The following ARID1A variants were observed in gnomAD, a reference collection of about 807,000 sequenced individuals.
ARID1A encodes the protein AT-rich interaction domain 1A.
A neutral mutation model predicts 212.6 loss-of-function variants in ARID1A; 20 were observed. The ratio of observed to expected loss-of-function variants is 0.09; its 90% confidence interval spans 0.07 to 0.14. The LOEUF (loss-of-function observed/expected upper bound fraction) is 0.14, where lower values mean the gene tolerates loss of function less well. Among genes scored for constraint, ARID1A ranks in the 10% least tolerant of loss-of-function variants. The pLI is 1.00. For missense variants in ARID1A, 2,587 were observed against 3,059.0 expected (o/e 0.85, Z 3.64); for synonymous variants, 1,376 against 1,222.1 (o/e 1.13, Z -2.63).
intron 4 of ARID1A, among the ~76,000 whole-genome samples, chr1:26,746,775 G>A (rs954996436): frequency 8.5e-5 from 13 of 152,170 alleles, no homozygotes; most frequent in African/African-American, 2.2e-4. Flanking sequence ...GGTGGCTCAC[G>A]CCTGTAATCC....
Position 26,732,679 on chromosome 1 carries a change from C to G in ARID1A, c.1807C>G (p.Leu603Val), listed in dbSNP as rs765143662. Residue 603 changes from leucine (L) to valine (V), a missense_variant, in exon 4 of 20, where the codon CTA (leucine) becomes GTA (valine). By Grantham distance (32) the Leu-to-Val change is conservative (BLOSUM62 1). Around this residue, in one of 11 missense-constraint regions of ARID1A, gnomAD observed 674 missense variants for 813.4 expected, o/e 0.83. Coordinates refer to ENST00000324856, the MANE Select transcript of ARID1A (RefSeq NM_006015.6). ...GCTTTTGTTTTTCTTGTTGTAGGAG[C>G]TATCTCAAGATTCATTTGGGTCTCA... The part of the protein sequence containing the change: ...SQQRFPPPQE[L>V]SQDSFGSQAS... The G allele has an allele frequency of 6.2e-7, 1 of 1,611,504 alleles. No homozygotes were observed. Among genetic ancestry groups the G allele is most frequent in the African/African-American group, 1.3e-5 (1 of 74,860 alleles).
At chr1:26,731,086 A>G (rs1444756788) in intron 2 of ARID1A, 66 bp from the exon 3 acceptor site, 5 of 1,513,306 alleles carry the variant, frequency 3.3e-6, no homozygotes, top group Admixed American at 1.7e-5. Flanking sequence ...ATAGCTTCTC[A>G]CAAAACACTT....
At chr1:26,709,988 C>T (rs1262676234) in intron 1 of ARID1A, among the ~76,000 whole-genome samples, 19 of 151,462 alleles carry the variant, frequency 1.3e-4, no homozygotes, top group African/African-American at 4.6e-4. Context: ...TGTGCCACCA[C>T]GCCTGGCTAA....
intron 1 of ARID1A, among the ~76,000 whole-genome samples, chr1:26,721,010 A>G (rs2080559400): frequency 6.6e-6 from 1 of 152,102 alleles, no homozygotes; most frequent in South Asian, 2.1e-4. Context: ...TCCCTCAGGA[A>G]GTTGGTCTGA....
chr1:26,700,483 C>G (rs761894967), intron 1 of ARID1A, among the ~76,000 whole-genome samples: 1 of 152,188 alleles, frequency 6.6e-6, no homozygotes, highest in Non-Finnish European at 1.5e-5. Context: ...TAGTGTATCT[C>G]AAGTGTTGAA....
chr1:26,733,062 C>T (rs1402317042), intron 4 of ARID1A, among the ~76,000 whole-genome samples: 1 of 152,160 alleles, frequency 6.6e-6, no homozygotes, highest in African/African-American at 2.4e-5. Flanking sequence ...ATGGAGATAT[C>T]AGAAGCACTG....
At position 26,775,590 on chromosome 1, in the gene ARID1A, A is replaced by G. The variant is rs540043065; in HGVS notation, c.5007A>G (p.Ala1669=). ...GGTTTATTTCAGGAACCCCGGAGGCATGGCGGGTAATGATGTCCCTCAAGT... is the reference window on the plus strand; with the variant it reads ...GGTTTATTTCAGGAACCCCGGAGGCGTGGCGGGTAATGATGTCCCTCAAGT... The part of the protein sequence containing the change: ...LTMKDIGTPE[A]WRVMMSLKSG... Residue 1669 remains alanine (A), a synonymous_variant, in exon 19 of 20, where the codon GCA becomes GCG. Transcript: ENST00000324856. The G allele has an allele frequency of 6.2e-7, 1 of 1,614,092 alleles. No individual in the cohort carries two copies. The highest frequency in any genetic ancestry group is 1.1e-5 in the South Asian group (1 of 91,072).
At chr1:26,768,706 C>T (rs2081059151) in intron 11 of ARID1A, among the ~76,000 whole-genome samples, 3 of 152,192 alleles carry the variant, frequency 2.0e-5, no homozygotes, top group Non-Finnish European at 4.4e-5. Flanking sequence ...CCACCCAGAG[C>T]TTGTGCCTAC....
At chr1:26,751,112 G>C (rs566781709) in intron 4 of ARID1A, among the ~76,000 whole-genome samples, 10 of 151,868 alleles carry the variant, frequency 6.6e-5, no homozygotes, top group African/African-American at 2.2e-4. Flanking sequence ...AAAATTAGCC[G>C]GGCGTGGTGG....
chr1:26,739,356 ACTG>A (rs1369025392), intron 4 of ARID1A, among the ~76,000 whole-genome samples: 12 of 152,232 alleles, frequency 7.9e-5, no homozygotes, highest in African/African-American at 2.9e-4. Context: ...CACCTGAATT[ACTG>A]CCTCTACCTG....
In ARID1A at chr1:26,779,069, T is replaced by A. The variant is rs2081164406; in HGVS notation, c.5171T>A (p.Leu1724Gln). ...ELLVEYFRRC[L>Q]IEIFGILKEY... ...CTTGTAGAATATTTCCGACGATGCC[T>A]GATTGAGATCTTTGGCATTTTAAAG... Residue 1724 changes from leucine (L) to glutamine (Q), a missense_variant, in exon 20 of 20, where the codon CTG becomes CAG. This residue lies in a region of ARID1A where 890 missense variants were observed against 1,098.2 expected (regional missense o/e 0.81). Transcript: ENST00000324856. The A allele has an allele frequency of 6.6e-7, 1 of 1,512,356 alleles. No homozygotes were observed. Among genetic ancestry groups the A allele is most frequent in the Non-Finnish European group, 8.8e-7 (1 of 1,130,282 alleles). The allele number at this position is 1,512,356 out of a possible 1,614,324, so 93.7% of individuals were successfully genotyped here. A position where few individuals can be genotyped will look rare whatever the true frequency, so the allele number is the denominator to read the frequency against.
intron 4 of ARID1A, among the ~76,000 whole-genome samples, chr1:26,735,083 TA>T (rs2080716349): frequency 6.6e-6 from 1 of 152,124 alleles, no homozygotes; most frequent in South Asian, 2.1e-4. Flanking sequence ...ACCTCTCAAT[TA>T]TTTTTTTGTT....
chr1:26,772,215 A>G, intron 12 of ARID1A: 1 of 434,936 alleles, frequency 2.3e-6, no homozygotes, highest in Non-Finnish European at 4.2e-6. Flanking sequence ...AGTGAAGAGA[A>G]ATAGCCAGGG....
Position 26,763,301 on chromosome 1 carries a change from CAGAG to C in ARID1A, c.2732+19_2732+22del. The C allele has an allele frequency of 6.3e-7, 1 of 1,575,282 alleles. No homozygotes were observed. The highest frequency in any genetic ancestry group is 1.2e-5 in the South Asian group (1 of 86,232). ...TCCAAAACAGGTAAGGCCTGGGAAG[CAGAG>C]AGGGTGTCAGTGCAAGAAAATGTAT... On this transcript the variant is annotated intron_variant, in intron 8 of 19. Coordinates refer to ENST00000324856, the MANE Select transcript of ARID1A (RefSeq NM_006015.6).
In ARID1A at chr1:26,774,236, A is replaced by T; in HGVS notation, c.4102-93A>T. 4.0e-6 allele frequency: 6 copies of T among 1,496,852 alleles called. No individual in the cohort carries two copies. The highest frequency in any genetic ancestry group is 5.3e-6 in the Non-Finnish European group (6 of 1,125,664). 92.7% of individuals were successfully genotyped at this position (1,496,852 alleles called of 1,614,324 possible). ...CCATGTTTTCTTGGAGTCTGTGTCCACCAAGCATCTGGTTGTAGCCATCTT... is the reference window on the plus strand; with the variant it reads ...CCATGTTTTCTTGGAGTCTGTGTCCTCCAAGCATCTGGTTGTAGCCATCTT... On this transcript the variant is annotated intron_variant, in intron 17 of 19. Transcript: ENST00000324856. The surrounding 1 kb of genome is among the most constrained non-coding windows in gnomAD (Gnocchi z 5.6).
At chr1:26,731,700 A>G (rs2080679732) in intron 3 of ARID1A, 96 bp downstream of exon 3, 2 of 1,356,490 alleles carry the variant, frequency 1.5e-6, no homozygotes, top group Non-Finnish European at 2.0e-6. Context: ...GTGGTTCTCT[A>G]ACGTGCACTT....
At chr1:26,716,879 C>T (rs2080508022) in intron 1 of ARID1A, among the ~76,000 whole-genome samples, 1 of 152,028 alleles carries the variant, frequency 6.6e-6, no homozygotes, top group African/African-American at 2.4e-5. Context: ...GCCTGCCTCG[C>T]CCTCCCAAAG....
At chr1:26,740,836 G>A (rs1311109149) in intron 4 of ARID1A, among the ~76,000 whole-genome samples, 1 of 152,190 alleles carries the variant, frequency 6.6e-6, no homozygotes, top group Non-Finnish European at 1.5e-5. Context: ...GCTCCCACAT[G>A]TGGAACATGC....
At chr1:26,711,943 A>G (rs1289064959) in intron 1 of ARID1A, among the ~76,000 whole-genome samples, 4 of 151,926 alleles carry the variant, frequency 2.6e-5, no homozygotes, top group Non-Finnish European at 5.9e-5. Flanking sequence ...TCAGCCAGGC[A>G]TGGTGATGCG....
Sources: gnomAD v4.1 joint callset for allele counts (sites outside exome capture counted in the v4.1 genomes callset) on GRCh38, gnomAD v4.1.1 for gene constraint, gnomAD v4.1.1 regional missense constraint, Gnocchi (gnomAD v3.1) non-coding constraint, MANE v1.5 for transcripts, NCBI Gene and HGNC (gene_info 2026-07-23, HGNC 2026-07-21) for gene names.